Variants in CPSF2 observed in about 807,000 individuals in gnomAD.
The protein encoded by CPSF2 is cleavage and polyadenylation specific factor 2, also known as cleavage and polyadenylation specificity factor subunit 2.
CPSF2 carries 51 observed loss-of-function variants against 84.2 expected under a neutral mutation model. The ratio of observed to expected loss-of-function variants is 0.61; its 90% confidence interval spans 0.48 to 0.77. The LOEUF is 0.77. Ranked by LOEUF, CPSF2 falls within the 30% of genes least tolerant of loss-of-function variation. CPSF2 has a pLI of 0.00. For missense variants in CPSF2, 641 were observed against 929.4 expected (o/e 0.69, Z 4.03); for synonymous variants, 286 against 311.9 (o/e 0.92, Z 0.87).
chr14:92,153,646 C>G (rs1396713022), intron 9 of CPSF2, among the ~76,000 whole-genome samples: 1 of 150,472 alleles, frequency 6.6e-6, no homozygotes, highest in Admixed American at 6.6e-5. Flanking sequence ...GTCTCAGACT[C>G]AAGTGATACT....
At chr14:92,150,527 A>G (rs904175141) in intron 9 of CPSF2, among the ~76,000 whole-genome samples, 9 of 151,708 alleles carry the variant, frequency 5.9e-5, no homozygotes, top group African/African-American at 9.7e-5. Flanking sequence ...TTCTGCGTTC[A>G]TGTGACCCTC....
rs752880423 is a variant in CPSF2 at position 92,142,354 on chromosome 14, T to G, written c.849+3T>G. ...TGGTGGAGTTTTCTAAGTCCCAGGT[T>G]TGTTCTCATGTTGTCACTTGTAATA... On this transcript the variant is annotated splice_donor_region_variant and intron_variant, in intron 8 of 15. Coordinates refer to ENST00000298875, the MANE Select transcript of CPSF2 (RefSeq NM_017437.3). The G allele has an allele frequency of 6.2e-7, 1 of 1,606,492 alleles. No homozygotes were observed. The highest frequency in any genetic ancestry group is 8.5e-7 in the Non-Finnish European group (1 of 1,175,180).
chr14:92,132,296 G>A (rs2068942382), intron 3 of CPSF2, among the ~76,000 whole-genome samples: 1 of 151,636 alleles, frequency 6.6e-6, no homozygotes, highest in South Asian at 2.1e-4. Context: ...CACCCGGCCG[G>A]CTAAGTTTTT....
chr14:92,142,103 C>A, intron 7 of CPSF2, 61 bp from the exon 8 acceptor site: 1 of 1,226,022 alleles, frequency 8.2e-7, no homozygotes, highest in Non-Finnish European at 1.1e-6. Flanking sequence ...ATAAAATTAT[C>A]TTTAATTTTG....
chr14:92,131,990 T>G lies in CPSF2; in HGVS notation c.149+857T>G, dbSNP rs374876388. On this transcript the variant is annotated intron_variant, in intron 3 of 15. Transcript: ENST00000298875. ...AATTTCTTGTGTTGATGAGAACATA[T>G]GCTTCCCTGATTAACTGAAGTTTTA... Among the ~76,000 whole-genome samples, 22 of 152,342 alleles carry G rather than the reference T, an allele frequency of 1.4e-4. 2 individuals are homozygous for G. Among genetic ancestry groups the G allele is most frequent in the African/African-American group, 4.8e-4 (20 of 41,588 alleles).
At chr14:92,138,196 G>T in intron 6 of CPSF2, 36 bp from the exon 7 acceptor site, 1 of 1,070,254 alleles carries the variant, frequency 9.3e-7, no homozygotes, top group South Asian at 1.4e-5. Context: ...TACTTGAAAT[G>T]ATATAAAATA....
intron 7 of CPSF2, among the ~76,000 whole-genome samples, chr14:92,140,417 TAGTG>T (rs1399641264): frequency 6.7e-6 from 1 of 148,190 alleles, no homozygotes; most frequent in Non-Finnish European, 1.5e-5. Flanking sequence ...CTGGGTAACA[TAGTG>T]AGACCCCCAT....
intron 2 of CPSF2, among the ~76,000 whole-genome samples, chr14:92,128,337 G>C (rs1028562710): frequency 2.6e-5 from 4 of 152,126 alleles, no homozygotes; most frequent in African/African-American, 9.7e-5. Flanking sequence ...AAAAGAATTA[G>C]CTGGGCGTGG....
rs2069303272 is a variant in CPSF2 at position 92,157,361 on chromosome 14, T to C, written c.1596-298T>C. On this transcript the variant is annotated intron_variant, in intron 12 of 15. Transcript: ENST00000298875. This position sits in a 1 kb window ranked among gnomAD's most constrained non-coding sequence, Gnocchi z 4.0. ...CATCTCTACTGAAAATGCAAAATTA[T>C]CCCTGCGTGGTGGTGCATGCCTATA... Among the ~76,000 whole-genome samples, 2 of 151,972 alleles carry C rather than the reference T, an allele frequency of 1.3e-5. No individual in the cohort carries two copies.
intron 3 of CPSF2, among the ~76,000 whole-genome samples, chr14:92,132,796 AAG>A (rs1347327711): frequency 6.6e-6 from 1 of 150,852 alleles, no homozygotes; most frequent in South Asian, 2.1e-4. Flanking sequence ...AAAAAACAAA[AAG>A]AGTTAAGTGA....
In CPSF2 at chr14:92,121,973, G is replaced by A. The variant is rs2068772517; in HGVS notation, c.-249G>A. 5.1e-6 allele frequency: 4 copies of A among 785,470 alleles called. No homozygotes were observed. The highest frequency in any genetic ancestry group is 8.2e-6 in the Non-Finnish European group (4 of 488,758). The allele number at this position is 785,470 out of a possible 1,614,324, so 48.7% of individuals were successfully genotyped here. ...TGGTTCCTCCTCGTCTCCGCCGCTA[G>A]TCTCCAGCTCCAAAATGGCGGCTGC... On this transcript the variant is annotated 5_prime_UTR_variant, in exon 1 of 16. Transcript: ENST00000298875.
At chr14:92,153,866 CTTTTT>C (rs767628179) in intron 9 of CPSF2, among the ~76,000 whole-genome samples, 2 of 121,650 alleles carry the variant, frequency 1.6e-5, no homozygotes, top group Admixed American at 8.4e-5. Flanking sequence ...CCACTCCTGG[CTTTTT>C]TTTTTTTTTT....
Position 92,161,750 on chromosome 14 carries a change from A to T in CPSF2, c.*6A>T, listed in dbSNP as rs971706650. ...AACAATATGCCATTGTATAAAGGAC[A>T]TGATGTCAAGAAGTATCTGCTTGAC... is the stretch of plus-strand genomic sequence containing the variant. On this transcript the variant is annotated 3_prime_UTR_variant, in exon 16 of 16. Coordinates refer to ENST00000298875, the MANE Select transcript of CPSF2 (RefSeq NM_017437.3). 6.7e-7 allele frequency: 1 copy of T among 1,488,018 alleles called. No individual in the cohort carries two copies. The highest frequency in any genetic ancestry group is 1.4e-5 in the African/African-American group (1 of 69,932). The allele number at this position is 1,488,018 out of a possible 1,614,324, so 92.2% of individuals were successfully genotyped here. A position where few individuals can be genotyped will look rare whatever the true frequency, so the allele number is the denominator to read the frequency against.
rs766754680 is a variant in CPSF2 at position 92,142,307 on chromosome 14, C to T, written c.805C>T (p.Leu269=). Residue 269 remains leucine (L), a synonymous_variant, in exon 8 of 16, where the codon CTA becomes TTA. Coordinates refer to ENST00000298875, the MANE Select transcript of CPSF2 (RefSeq NM_017437.3). ...ATTGGGTGTTTACTCATTGGCACTC[C>T]TAAATAATGTCAGTTACAATGTGGT... ...AGLGVYSLAL[L]NNVSYNVVEF... is the part of the protein sequence containing the mutation. 19 of 1,613,600 alleles carry T rather than the reference C, an allele frequency of 1.2e-5. No individual in the cohort carries two copies. The highest frequency in any genetic ancestry group is 1.7e-5 in the Admixed American group (1 of 59,942).
Position 92,142,995 on chromosome 14 carries a change from C to A in CPSF2, c.850-9C>A, listed in dbSNP as rs777051583. On this transcript the variant is annotated splice_polypyrimidine_tract_variant and intron_variant, in intron 8 of 15. Transcript: ENST00000298875. ...TTTCTAATTCTTGTCATCTTTCCCCCCATGTTAGGTAGAATGGATGAGTGA... is the reference window on the plus strand; with the variant it reads ...TTTCTAATTCTTGTCATCTTTCCCCACATGTTAGGTAGAATGGATGAGTGA... 1 of 1,588,472 alleles carries A rather than the reference C, an allele frequency of 6.3e-7. No homozygotes were observed. Among genetic ancestry groups the A allele is most frequent in the Non-Finnish European group, 8.6e-7 (1 of 1,164,052 alleles).
At chr14:92,133,791 C>T (rs926611571) in intron 3 of CPSF2, among the ~76,000 whole-genome samples, 3 of 152,086 alleles carry the variant, frequency 2.0e-5, no homozygotes, top group African/African-American at 7.2e-5. Flanking sequence ...AATGTGTGTA[C>T]ACACCATATA....
intron 7 of CPSF2, among the ~76,000 whole-genome samples, chr14:92,140,991 A>G (rs980850045): frequency 4.6e-5 from 7 of 152,156 alleles, no homozygotes; most frequent in African/African-American, 1.7e-4. Flanking sequence ...GTTTTACCAC[A>G]TATTTCCAAG....
intron 2 of CPSF2, among the ~76,000 whole-genome samples, chr14:92,129,198 A>T (rs1014768028): frequency 6.6e-6 from 1 of 152,174 alleles, no homozygotes; most frequent in African/African-American, 2.4e-5. Context: ...CGTAAGAGGA[A>T]GAGTATGATG....
intron 9 of CPSF2, among the ~76,000 whole-genome samples, chr14:92,152,690 C>T (rs980065055): frequency 5.3e-5 from 8 of 152,158 alleles, no homozygotes; most frequent in East Asian, 1.9e-4. Flanking sequence ...CTGCCTGCCT[C>T]GACCTCCCAA....
Sources: allele counts gnomAD v4.1 joint callset (sites outside exome capture counted in the v4.1 genomes callset), GRCh38; gene constraint gnomAD v4.1.1; non-coding constraint Gnocchi (gnomAD v3.1); transcripts MANE v1.5; gene names NCBI Gene and HGNC (gene_info 2026-07-23, HGNC 2026-07-21).